The following AACS variants were observed in gnomAD, a reference collection of about 807,000 sequenced individuals.
AACS encodes the protein acetoacetyl-CoA synthetase, also known as acetoacetate-CoA ligase.
Under a neutral mutation model 83.1 loss-of-function variants are expected in AACS, and 69 were observed. That is an observed-to-expected ratio of 0.83 (90% CI 0.68 to 1.01). The LOEUF (loss-of-function observed/expected upper bound fraction) is 1.01. Among genes scored for constraint, AACS ranks in the 50% least tolerant of loss-of-function variants. The probability of loss-of-function intolerance (pLI) is 0.00; values close to 1 mark genes in which losing one functional copy is unlikely to be tolerated. For synonymous variants in AACS, 333 were observed against 343.4 expected, an observed-to-expected ratio of 0.97 and a Z score of 0.33; for missense variants, 866 against 882.2, an observed-to-expected ratio of 0.98 and a Z score of 0.23.
At chr12:125,071,089 G>A (rs1309542766) in intron 1 of AACS, among the ~76,000 whole-genome samples, 2 of 152,172 alleles carry the variant, frequency 1.3e-5, no homozygotes, top group Non-Finnish European at 2.9e-5. Flanking sequence ...CAGTGGGAAC[G>A]CACCCGTCCC....
At chr12:125,134,895 G>A in intron 16 of AACS, 43 bp downstream of exon 16, 1 of 1,612,204 alleles carries the variant, frequency 6.2e-7, no homozygotes. Flanking sequence ...TCTCCAGGAA[G>A]GAGGAGGGTC....
At position 125,097,453 on chromosome 12, in the gene AACS, G is replaced by A. The variant is rs551986599; in HGVS notation, c.571-5226G>A. Among the ~76,000 whole-genome samples the A allele has an allele frequency of 6.8e-6, 1 of 148,086 alleles. No homozygotes were observed. The highest frequency in any genetic ancestry group is 2.5e-5 in the African/African-American group (1 of 40,758). On this transcript the variant is annotated intron_variant, in intron 5 of 17. Coordinates refer to ENST00000316519, the MANE Select transcript of AACS (RefSeq NM_023928.5). The surrounding 1 kb of genome is among the most constrained non-coding windows in gnomAD (Gnocchi z 4.3). ...TTACTTAAAAAAAAAAAAAAAAAGTGCGTTGGGGCAGCTCCAAGGGCGTCT... is the reference window on the plus strand; with the variant it reads ...TTACTTAAAAAAAAAAAAAAAAAGTACGTTGGGGCAGCTCCAAGGGCGTCT...
In AACS at chr12:125,129,334, G is replaced by C. The variant is rs763986088; in HGVS notation, c.1424-1G>C. On this transcript the variant is annotated splice_acceptor_variant, in intron 13 of 17. Coordinates refer to ENST00000316519, the MANE Select transcript of AACS (RefSeq NM_023928.5). LOFTEE classifies it high-confidence loss of function. This position sits in a 1 kb window ranked among gnomAD's most constrained non-coding sequence, Gnocchi z 4.3. ...GCTTATTTTTAATTCTCCCATACCAGGAAAGGCGGTCTGGGGAGAGAGCGG... is the reference window on the plus strand; with the variant it reads ...GCTTATTTTTAATTCTCCCATACCACGAAAGGCGGTCTGGGGAGAGAGCGG... 6.2e-6 allele frequency: 10 copies of C among 1,611,618 alleles called. No individual in the cohort carries two copies. In the African/African-American group the frequency reaches 1.2e-4, roughly 19 times the overall value.
intron 16 of AACS, 79 bp downstream of exon 16, chr12:125,134,931 C>T (rs1957381362): frequency 1.3e-6 from 2 of 1,531,230 alleles, no homozygotes; most frequent in Non-Finnish European, 1.8e-6. Flanking sequence ...GGAGCCCCAC[C>T]TTTGGCACAA....
intron 1 of AACS, among the ~76,000 whole-genome samples, chr12:125,068,167 G>A (rs557785329): frequency 1.1e-4 from 16 of 152,286 alleles, no homozygotes; most frequent in Admixed American, 9.2e-4. Flanking sequence ...TTAAAAGTTA[G>A]GAGAGGGGGC....
Position 125,107,111 on chromosome 12 carries a change from C to T in AACS, c.768-10C>T, listed in dbSNP as rs200174052. 4.1e-4 allele frequency: 662 copies of T among 1,614,104 alleles called. 3 individuals carry two copies. The highest frequency in any genetic ancestry group is 1.6e-3 in the South Asian group (150 of 91,076). ...GTTCATGGCGTGTTTCCCTGCGTTT[C>T]GGCCCACAGTGTGTTTCTGGATGAC... On this transcript the variant is annotated splice_polypyrimidine_tract_variant and intron_variant, in intron 7 of 17. Transcript: ENST00000316519.
In AACS at chr12:125,107,238, C is replaced by G. The variant is rs41521044; in HGVS notation, c.885C>G (p.Gly295=). The change falls in exon 8 of 18, where the codon GGC becomes GGG. Residue 295 remains glycine (G), a synonymous_variant. Transcript: ENST00000316519. ...TCATGTTCTCATCGGGCACCACGGG[C>G]GCACCCAAGTGCATGGTGCATTCCG... ...LFIMFSSGTT[G]APKCMVHSAG... is the part of the protein sequence containing the mutation. 3.7e-6 allele frequency: 6 copies of G among 1,613,982 alleles called. No homozygotes were observed. Among genetic ancestry groups the G allele is most frequent in the Admixed American group, 1.7e-5 (1 of 60,024 alleles).
intron 4 of AACS, among the ~76,000 whole-genome samples, chr12:125,089,114 C>A (rs1956403938): frequency 6.6e-6 from 1 of 152,222 alleles, no homozygotes; most frequent in African/African-American, 2.4e-5. Flanking sequence ...GGCACCGAGT[C>A]CTGCCCTGAC....
chr12:125,080,692 T>C (rs937549227), intron 3 of AACS, among the ~76,000 whole-genome samples: 1 of 151,752 alleles, frequency 6.6e-6, no homozygotes, highest in African/African-American at 2.4e-5. Context: ...TTATTATTAT[T>C]AATTTTTTAT....
At chr12:125,137,121 C>G (rs896346372) in intron 17 of AACS, among the ~76,000 whole-genome samples, 1 of 152,216 alleles carries the variant, frequency 6.6e-6, no homozygotes, top group African/African-American at 2.4e-5. Flanking sequence ...TCCCTGCTAT[C>G]CCCTGGTTTT....
intron 5 of AACS, among the ~76,000 whole-genome samples, chr12:125,096,428 G>A (rs2136083011): frequency 6.6e-6 from 1 of 152,354 alleles, no homozygotes; most frequent in South Asian, 2.1e-4. Context: ...GAGGGCACCA[G>A]TGTAGACATG....
intron 3 of AACS, among the ~76,000 whole-genome samples, chr12:125,085,408 G>T (rs556034970): frequency 2.7e-5 from 4 of 146,728 alleles, no homozygotes; most frequent in Non-Finnish European, 6.0e-5. Context: ...AACCACACAC[G>T]TGCACCTTGC....
At chr12:125,075,123 C>T (rs895391559) in intron 2 of AACS, among the ~76,000 whole-genome samples, 9 of 151,574 alleles carry the variant, frequency 5.9e-5, no homozygotes, top group Non-Finnish European at 1.0e-4. Flanking sequence ...TACAGGCATG[C>T]GCCACCACGC....
chr12:125,119,631 C>T lies in AACS; in HGVS notation c.1121+866C>T, dbSNP rs369062932. The stretch of plus-strand genomic sequence containing the variant: ...AGATCTTGTGAGACTTATTCACTAT[C>T]GAGAGAACAACTCGGGAAAAACCTG... On this transcript the variant is annotated intron_variant, in intron 10 of 17. Transcript: ENST00000316519. Among the ~76,000 whole-genome samples, 23 of 152,292 alleles carry T rather than the reference C, an allele frequency of 1.5e-4. 1 individual carries two copies. The highest frequency in any genetic ancestry group is 4.6e-4 in the African/African-American group (19 of 41,546).
intron 8 of AACS, among the ~76,000 whole-genome samples, chr12:125,114,058 G>A (rs7398636): frequency 6.9e-6 from 1 of 143,958 alleles, no homozygotes; most frequent in African/African-American, 2.6e-5. Context: ...CCCTCACCCC[G>A]CTGTTCCCTG....
chr12:125,118,500 G>A, intron 9 of AACS, 141 bp from the exon 10 acceptor site: 2 of 1,126,386 alleles, frequency 1.8e-6, no homozygotes, highest in South Asian at 1.6e-5. Flanking sequence ...GGGCCAGAGT[G>A]TCCTGCATTT....
chr12:125,091,573 C>T, intron 5 of AACS, 50 bp downstream of exon 5: 2 of 1,583,768 alleles, frequency 1.3e-6, no homozygotes, highest in Non-Finnish European at 1.7e-6. Flanking sequence ...TGTGAGCATC[C>T]TGGGCAGGGG....
rs766563338 is a variant in AACS, at chr12:125,134,020, G to A, written c.1567G>A (p.Asp523Asn). The A allele has an allele frequency of 7.4e-6, 12 of 1,614,176 alleles. No individual in the cohort carries two copies. The highest frequency in any genetic ancestry group is 2.2e-5 in the South Asian group (2 of 91,088). Residue 523 changes from aspartate (D) to asparagine (N), a missense_variant, in exon 15 of 18, where the codon GAC becomes AAC. Physicochemically the swap from Asp to Asn is conservative, Grantham distance 23 (BLOSUM62 1). Transcript: ENST00000316519. ...SKFPGIWAHG[D>N]YCRINPKTGG... ...CTTTGCAGGTATCTGGGCTCATGGC[G>A]ACTACTGCAGAATCAACCCCAAGAC...
chr12:125,091,765 TATGC>T (rs1274245305), intron 5 of AACS, among the ~76,000 whole-genome samples: 1 of 152,146 alleles, frequency 6.6e-6, no homozygotes, highest in Non-Finnish European at 1.5e-5. Context: ...GCAGGTGGCG[TATGC>T]AGCACCCAGT....
Sources: gnomAD v4.1 joint callset for allele counts (sites outside exome capture counted in the v4.1 genomes callset) on GRCh38, gnomAD v4.1.1 for gene constraint, Gnocchi (gnomAD v3.1) non-coding constraint, MANE v1.5 for transcripts, NCBI Gene and HGNC (gene_info 2026-07-23, HGNC 2026-07-21) for gene names.